Variants in RFC3 observed in about 807,000 individuals in gnomAD.
The protein encoded by RFC3 is A1 38 kDa subunit.
A neutral mutation model predicts 45.1 loss-of-function variants in RFC3; 41 were observed. The observed-to-expected ratio is 0.91, with a 90% confidence interval of 0.71 to 1.18. The LOEUF is 1.18. RFC3 is among the 50% of genes most tolerant of loss of function. The pLI, the probability that RFC3 is intolerant of heterozygous loss-of-function variation, is 0.00. For synonymous variants in RFC3, 149 were observed against 144.0 expected (o/e 1.03, Z -0.25); for missense variants, 423 against 428.1 (o/e 0.99, Z 0.10).
intron 8 of RFC3, among the ~76,000 whole-genome samples, chr13:33,958,819 C>T (rs760461376): frequency 2.6e-5 from 4 of 152,150 alleles, no homozygotes; most frequent in Non-Finnish European, 5.9e-5. Flanking sequence ...GGCTGCCCTA[C>T]CCCCATGATT....
intron 4 of RFC3, 178 bp from the exon 5 acceptor site, chr13:33,829,658 C>T (rs2082082856): frequency 1.6e-6 from 1 of 619,344 alleles, no homozygotes; most frequent in Admixed American, 2.9e-5. Context: ...ATGATTGTAG[C>T]ATTTTAAAAT....
At chr13:33,839,378 C>T (rs935768562), downstream of RFC3, among the ~76,000 whole-genome samples, 9 of 152,110 alleles carry the variant, frequency 5.9e-5, no homozygotes, top group East Asian at 5.8e-4. Flanking sequence ...TTCCTTGCCC[C>T]GATGTTGAAT....
chr13:33,874,181 C>T (rs1179404286), intron 8 of RFC3, among the ~76,000 whole-genome samples: 1 of 152,148 alleles, frequency 6.6e-6, no homozygotes, highest in African/African-American at 2.4e-5. Context: ...TAAATAACAA[C>T]ATGCCATCAT....
Position 33,821,313 on chromosome 13 carries a change from G to A in RFC3, c.225+44G>A. ...GGCCCTGAAAGTAATTTATAGCGGG[G>A]ACTTTCAGTCTTGGTCATGTATGTC... On this transcript the variant is annotated intron_variant, in intron 2 of 8. Transcript: ENST00000380071. The A allele has an allele frequency of 2.5e-6, 4 of 1,597,560 alleles. No individual in the cohort carries two copies. In the South Asian group the frequency reaches 3.3e-5, roughly 13 times the overall value.
chr13:33,820,668 G>A (rs1028393079), intron 1 of RFC3, among the ~76,000 whole-genome samples: 1 of 152,154 alleles, frequency 6.6e-6, no homozygotes, highest in African/African-American at 2.4e-5. Context: ...CACAGGGACT[G>A]TTTCTAATAG....
chr13:33,868,536 T>C (rs9570418), intron 8 of RFC3, among the ~76,000 whole-genome samples: 5,516 of 152,302 alleles, frequency 0.036, 165 homozygotes, highest in East Asian at 0.15. Flanking sequence ...ACTTGTAACT[T>C]TGTAACTTCA....
chr13:33,856,833 G>T (rs937284218), intron 8 of RFC3, among the ~76,000 whole-genome samples: 4 of 152,110 alleles, frequency 2.6e-5, no homozygotes, highest in Non-Finnish European at 5.9e-5. Context: ...TAAAAGTAAG[G>T]CCCCTGAGAG....
downstream of RFC3, among the ~76,000 whole-genome samples, chr13:33,971,533 T>A (rs2083109294): frequency 6.6e-6 from 1 of 152,228 alleles, no homozygotes; most frequent in Non-Finnish European, 1.5e-5. Flanking sequence ...ATAGTCTCTG[T>A]CACAACTACT....
At chr13:33,828,037 T>C (rs990979445) in intron 4 of RFC3, among the ~76,000 whole-genome samples, 1 of 152,094 alleles carries the variant, frequency 6.6e-6, no homozygotes, top group African/African-American at 2.4e-5. Flanking sequence ...TAGTCTTAGC[T>C]ACTTGGGAGC....
At chr13:33,929,896 C>T (rs554868572) in intron 8 of RFC3, among the ~76,000 whole-genome samples, 3 of 152,050 alleles carry the variant, frequency 2.0e-5, no homozygotes, top group African/African-American at 4.8e-5. Context: ...AACAGAGACC[C>T]GGAATAAATT....
intron 8 of RFC3, among the ~76,000 whole-genome samples, chr13:33,963,220 T>C (rs139877852): frequency 1.6e-4 from 24 of 152,178 alleles, no homozygotes; most frequent in African/African-American, 5.3e-4. Flanking sequence ...AGCTGAGATA[T>C]TTATTTTGTT....
chr13:33,953,326 A>C (rs1404237478), intron 8 of RFC3, among the ~76,000 whole-genome samples: 1 of 1,622 alleles, frequency 6.2e-4, no homozygotes, highest in Non-Finnish European at 8.2e-3. Flanking sequence ...TTGCTCTTTA[A>C]AAAAAAAAAA....
chr13:33,944,898 G>A (rs1593710245), intron 8 of RFC3, among the ~76,000 whole-genome samples: 1 of 152,228 alleles, frequency 6.6e-6, no homozygotes, highest in East Asian at 1.9e-4. Context: ...TAACCCCTTG[G>A]AAACAACCAG....
chr13:33,931,300 C>G (rs1283148445), intron 8 of RFC3, among the ~76,000 whole-genome samples: 1 of 152,118 alleles, frequency 6.6e-6, no homozygotes, highest in African/African-American at 2.4e-5. Flanking sequence ...CAGTGGTTCT[C>G]AGACTTTAGC....
At chr13:33,954,260 G>A (rs1057382311) in intron 8 of RFC3, among the ~76,000 whole-genome samples, 6 of 152,116 alleles carry the variant, frequency 3.9e-5, no homozygotes, top group Admixed American at 6.5e-5. Flanking sequence ...TCAATAGAGG[G>A]CACAATTATT....
rs145128337 is a variant in RFC3 at position 33,869,176 on chromosome 13, C to G, written c.879+33959C>G. On this transcript the variant is annotated intron_variant, in intron 8 of 8. Coordinates refer to the RFC3 transcript ENST00000434425. Reference sequence around the variant, plus strand: ...ACTCTACTCTGGTCCTGCCCATTTTCTCAGCCTGGATTCTCTGGCCTTTTT... The same window carrying G: ...ACTCTACTCTGGTCCTGCCCATTTTGTCAGCCTGGATTCTCTGGCCTTTTT... Among the ~76,000 whole-genome samples, 917 of 152,336 alleles carry G rather than the reference C, an allele frequency of 6.0e-3. 5 individuals carry two copies. The highest frequency in any genetic ancestry group is 0.021 in the African/African-American group (882 of 41,566).
intron 8 of RFC3, among the ~76,000 whole-genome samples, chr13:33,900,647 C>T (rs1037772409): frequency 1.8e-4 from 28 of 151,738 alleles, no homozygotes; most frequent in African/African-American, 6.5e-4. Context: ...TGTAAGACTT[C>T]GAAAGCACAG....
At chr13:33,937,972 A>G (rs1040020932) in intron 8 of RFC3, among the ~76,000 whole-genome samples, 45 of 152,120 alleles carry the variant, frequency 3.0e-4, no homozygotes, top group African/African-American at 1.1e-3. Context: ...ACAATGCCCC[A>G]TTGTGCTTGC....
At chr13:33,825,422 C>T (rs994907195) in intron 3 of RFC3, among the ~76,000 whole-genome samples, 9 of 152,000 alleles carry the variant, frequency 5.9e-5, no homozygotes, top group Admixed American at 1.3e-4. Context: ...CAAAGAGTTA[C>T]GTTTTGTATT....
Sources: gnomAD v4.1 joint callset for allele counts (sites outside exome capture counted in the v4.1 genomes callset) on GRCh38, gnomAD v4.1.1 for gene constraint, MANE v1.5 for transcripts, NCBI Gene and HGNC (gene_info 2026-07-23, HGNC 2026-07-21) for gene names.